Variants in SGCZ observed in about 807,000 individuals in gnomAD.
The protein encoded by SGCZ is sarcoglycan zeta.
A neutral mutation model predicts 41.3 loss-of-function variants in SGCZ; 40 were observed. The ratio of observed to expected loss-of-function variants is 0.97; its 90% CI spans 0.75 to 1.26. The LOEUF is 1.26. Ranked by LOEUF, SGCZ falls within the 50% of genes most tolerant of loss-of-function variation. The probability of loss-of-function intolerance (pLI) is 0.00; values close to 1 mark genes in which losing one functional copy is unlikely to be tolerated. For missense variants in SGCZ, 552 were observed against 369.8 expected, an observed-to-expected ratio of 1.49 and a Z score of -4.04; for synonymous variants, 206 against 137.5, an observed-to-expected ratio of 1.50 and a Z score of -3.49.
chr8:15,087,228 T>A (rs1805982427), intron 1 of SGCZ, among the ~76,000 whole-genome samples: 1 of 152,010 alleles, frequency 6.6e-6, no homozygotes, highest in African/African-American at 2.4e-5. Context: ...CTCTGCTGGA[T>A]ATAGTAAAGT....
chr8:14,974,744 A>C (rs1801408942), intron 1 of SGCZ, among the ~76,000 whole-genome samples: 1 of 152,144 alleles, frequency 6.6e-6, no homozygotes, highest in African/African-American at 2.4e-5. Context: ...TGAGGCACAC[A>C]TCCTTTTGTG....
intron 5 of SGCZ, among the ~76,000 whole-genome samples, chr8:14,154,960 T>G (rs543620008): frequency 1.3e-5 from 2 of 152,302 alleles, no homozygotes; most frequent in East Asian, 3.9e-4. Context: ...GTGGAGCAGG[T>G]ATCAGCTACC....
intron 2 of SGCZ, among the ~76,000 whole-genome samples, chr8:14,343,988 G>C (rs1014389557): frequency 6.6e-6 from 1 of 152,010 alleles, no homozygotes; most frequent in African/African-American, 2.4e-5. Context: ...AAATATATAA[G>C]AGGATACAAA....
chr8:14,364,238 G>A lies in SGCZ; in HGVS notation c.235-40034C>T, dbSNP rs982579614. ...GAGCTTTTAATGTTATGTAGATATT[G>A]TGAAAAATCTCTACCTTATTTTATT... On this transcript the variant is annotated intron_variant, in intron 2 of 7. Transcript: ENST00000382080. 5.9e-5 allele frequency among the ~76,000 whole-genome samples: 9 copies of A among 152,210 alleles called. 1 individual carries two copies. Among genetic ancestry groups the A allele is most frequent in the South Asian group, 2.1e-4 (1 of 4,822 alleles).
intron 1 of SGCZ, among the ~76,000 whole-genome samples, chr8:14,675,820 G>A (rs1808259874): frequency 6.6e-6 from 1 of 152,142 alleles, no homozygotes; most frequent in African/African-American, 2.4e-5. Context: ...CTCATTGCAT[G>A]GAATGAATTT....
At chr8:14,767,231 T>A (rs934704966) in intron 1 of SGCZ, among the ~76,000 whole-genome samples, 5 of 152,156 alleles carry the variant, frequency 3.3e-5, no homozygotes, top group African/African-American at 1.2e-4. Context: ...AGTAGCCTAC[T>A]TTTCCCCCTC....
intron 1 of SGCZ, among the ~76,000 whole-genome samples, chr8:14,645,423 T>C (rs1318839873): frequency 2.0e-5 from 3 of 147,024 alleles, no homozygotes; most frequent in African/African-American, 7.5e-5. Context: ...AATTAAAATA[T>C]TTGCAGGTTT....
In SGCZ at chr8:14,088,235, T is replaced by C. The variant is rs976978737; in HGVS notation, c.*2208A>G. The stretch of plus-strand genomic sequence containing the variant: ...AGACTATTTTATTCAATACTTTTGC[T>C]GTGAAGTTGAGTAAACTGAAGCCTG... On this transcript the variant is annotated 3_prime_UTR_variant, in exon 8 of 8. Transcript: ENST00000382080. 6.6e-6 allele frequency among the ~76,000 whole-genome samples: 1 copy of C among 151,826 alleles called. No individual in the cohort carries two copies. Among genetic ancestry groups the C allele is most frequent in the South Asian group, 2.1e-4 (1 of 4,832 alleles).
intron 2 of SGCZ, among the ~76,000 whole-genome samples, chr8:14,548,366 A>C (rs1803695976): frequency 6.6e-6 from 1 of 152,172 alleles, no homozygotes; most frequent in Admixed American, 6.6e-5. Flanking sequence ...ACGGGCAGGG[A>C]AGACAGGGTC....
intron 1 of SGCZ, among the ~76,000 whole-genome samples, chr8:14,562,323 A>T (rs889212161): frequency 6.6e-6 from 1 of 152,168 alleles, no homozygotes; most frequent in Non-Finnish European, 1.5e-5. Context: ...AACTATTGGA[A>T]GGTAGAGGTC....
At position 15,114,151 on chromosome 8, in the gene SGCZ, G is replaced by A. The variant is rs187743698; in HGVS notation, c.39+123434C>T. Among the ~76,000 whole-genome samples, 36 of 152,128 alleles carry A rather than the reference G, an allele frequency of 2.4e-4. 1 individual carries two copies. The highest frequency in any genetic ancestry group is 3.4e-3 in the Middle Eastern group (1 of 294). ...TAATCTGTCATTCTAACTTGCATCC[G>A]AATATATTATTTCTCTCTCTAGGTA... On this transcript the variant is annotated intron_variant, in intron 1 of 7. Coordinates refer to ENST00000382080, the MANE Select transcript of SGCZ (RefSeq NM_139167.4).
At chr8:14,478,057 G>A (rs7008372) in intron 2 of SGCZ, among the ~76,000 whole-genome samples, 36,093 of 152,200 alleles carry the variant, frequency 0.24, 4,357 homozygotes, top group Admixed American at 0.29. Context: ...CCAAATTCTG[G>A]TGAGGATACT....
At chr8:14,109,028 C>T (rs1173254110) in intron 5 of SGCZ, among the ~76,000 whole-genome samples, 1 of 152,028 alleles carries the variant, frequency 6.6e-6, no homozygotes, top group Admixed American at 6.6e-5. Context: ...AAAGACAAAC[C>T]CTCATAGATG....
chr8:14,883,395 A>G (rs1052391937), intron 1 of SGCZ, among the ~76,000 whole-genome samples: 3 of 152,118 alleles, frequency 2.0e-5, no homozygotes, highest in African/African-American at 4.8e-5. Context: ...TCACATATCT[A>G]CTTGTGCTTT....
chr8:14,910,625 T>C (rs957137135), intron 1 of SGCZ, among the ~76,000 whole-genome samples: 4 of 151,968 alleles, frequency 2.6e-5, no homozygotes, highest in African/African-American at 7.2e-5. Context: ...TATACACTGA[T>C]ATTTTATGAT....
chr8:15,178,212 T>C (rs921046408), intron 1 of SGCZ, among the ~76,000 whole-genome samples: 3 of 152,118 alleles, frequency 2.0e-5, no homozygotes, highest in Admixed American at 6.5e-5. Flanking sequence ...TTTGTTTTTT[T>C]CTTTGAGAAT....
At chr8:14,107,548 C>T (rs1053264369) in intron 6 of SGCZ, among the ~76,000 whole-genome samples, 1 of 152,156 alleles carries the variant, frequency 6.6e-6, no homozygotes, top group Admixed American at 6.5e-5. Flanking sequence ...TTTCTCAGCG[C>T]CCTATTTGCC....
At chr8:14,730,740 T>C (rs1276518383) in intron 1 of SGCZ, among the ~76,000 whole-genome samples, 2 of 151,778 alleles carry the variant, frequency 1.3e-5, no homozygotes, top group Non-Finnish European at 2.9e-5. Context: ...CTAGGACTTG[T>C]GCCTATCTCA....
rs1563123910 is a variant in SGCZ at position 15,097,835 on chromosome 8, CG to C, written c.39+139749del. On this transcript the variant is annotated intron_variant, in intron 1 of 7. Coordinates refer to ENST00000382080, the MANE Select transcript of SGCZ (RefSeq NM_139167.4). ...ATATACGTGTGTGTATATATATATA[CG>C]TGTGTGTATATATATATATACGTGT... Among the ~76,000 whole-genome samples, 25 of 102,700 alleles carry C rather than the reference CG, an allele frequency of 2.4e-4. 1 individual carries two copies. The highest frequency in any genetic ancestry group is 1.1e-3 in the African/African-American group (24 of 22,442). The allele number at this position is 102,700 out of a possible 152,430, so 67.4% of individuals were successfully genotyped here.
Sources: allele counts gnomAD v4.1 joint callset (sites outside exome capture counted in the v4.1 genomes callset), GRCh38; gene constraint gnomAD v4.1.1; transcripts MANE v1.5; gene names NCBI Gene and HGNC (gene_info 2026-07-23, HGNC 2026-07-21).